Variants in OR56A3 observed in about 807,000 individuals in gnomAD.
The protein encoded by OR56A3 is olfactory receptor family 56 subfamily A member 3.
Under a neutral mutation model 17.5 loss-of-function variants are expected in OR56A3, and 23 were observed. That is an observed-to-expected ratio of 1.32 (90% CI 0.95 to 1.87). The LOEUF is 1.87. OR56A3 is among the 40% of genes most tolerant of loss of function. The pLI is 0.00. For synonymous variants in OR56A3, 175 were observed against 150.6 expected (o/e 1.16, Z -1.19); for missense variants, 366 against 380.1 (o/e 0.96, Z 0.31).
intron 2 of OR56A3, among the ~76,000 whole-genome samples, 159 bp downstream of exon 2, chr11:5,945,241 T>C (rs1847861678): frequency 6.6e-6 from 1 of 152,208 alleles, no homozygotes; most frequent in African/African-American, 2.4e-5. Context: ...TTGTTTTCTT[T>C]TTTATAGGAT....
the OR56A3 span, among the ~76,000 whole-genome samples, chr11:5,979,386 G>C: frequency 6.6e-6 from 1 of 151,666 alleles, no homozygotes; most frequent in Non-Finnish European, 1.5e-5. Context: ...TTATGACTGA[G>C]TCAAATTTGG....
At chr11:6,016,689 G>GA in the OR56A3 span, among the ~76,000 whole-genome samples, 2 of 151,302 alleles carry the variant, frequency 1.3e-5, no homozygotes, top group African/African-American at 4.9e-5. Context: ...TTAAATGCCT[G>GA]AAAAAGAATT....
chr11:5,955,875 GCCT>G (rs955878434), downstream of OR56A3, among the ~76,000 whole-genome samples: 41 of 152,266 alleles, frequency 2.7e-4, no homozygotes, highest in Middle Eastern at 6.8e-3. Flanking sequence ...TTGCCATATA[GCCT>G]CCTTTTTAAC....
the OR56A3 span, among the ~76,000 whole-genome samples, chr11:5,969,357 T>G: frequency 6.6e-6 from 1 of 152,234 alleles, no homozygotes; most frequent in African/African-American, 2.4e-5. Flanking sequence ...AAATCTCCTC[T>G]TCTCTCAGAT....
chr11:5,979,726 TTTGTTTTCTTCTGCTAGCTTTGGGG>T, the OR56A3 span, among the ~76,000 whole-genome samples: 1 of 152,162 alleles, frequency 6.6e-6, no homozygotes, highest in East Asian at 1.9e-4. Context: ...GTTTTGGTTA[TTTGTTTTCTTCTGCTAGCTTTGGGG>T]TTGTTTTCTT....
chr11:6,018,443 G>A, the OR56A3 span, among the ~76,000 whole-genome samples: 2 of 152,126 alleles, frequency 1.3e-5, no homozygotes, highest in Admixed American at 6.5e-5. Context: ...GCTCCTAAAT[G>A]ATCATTGAGT....
chr11:5,944,320 A>G (rs539450515), intron 1 of OR56A3, among the ~76,000 whole-genome samples: 1 of 152,342 alleles, frequency 6.6e-6, no homozygotes, highest in East Asian at 1.9e-4. Context: ...ACAATAAAAG[A>G]CACAATACAA....
At chr11:5,953,371 T>C (rs79850019), downstream of OR56A3, among the ~76,000 whole-genome samples, 2,776 of 152,330 alleles carry the variant, frequency 0.018, 78 homozygotes, top group African/African-American at 0.063. Context: ...TATCTCACTG[T>C]GGATTTGATT....
At chr11:5,952,862 T>C (rs1847915481), downstream of OR56A3, among the ~76,000 whole-genome samples, 1 of 152,150 alleles carries the variant, frequency 6.6e-6, no homozygotes. Flanking sequence ...GGTCCATGAG[T>C]ATCCAATGTT....
the OR56A3 span, chr11:6,006,354 G>T: frequency 6.6e-6 from 1 of 152,134 alleles, no homozygotes; most frequent in Non-Finnish European, 1.5e-5. Context: ...ACCATCTGGG[G>T]CATTGTTTTC....
the OR56A3 span, chr11:6,020,867 G>T: frequency 6.6e-6 from 1 of 152,064 alleles, no homozygotes; most frequent in African/African-American, 2.4e-5. Flanking sequence ...GTGAGAGAAG[G>T]CATCTTTGCC....
the OR56A3 span, chr11:6,002,410 T>C: frequency 0.27 from 437,307 of 1,613,944 alleles, 62,094 homozygotes; most frequent in Middle Eastern, 0.3. Flanking sequence ...TTGAAAGTGA[T>C]GTCATCACAA....
the OR56A3 span, among the ~76,000 whole-genome samples, chr11:5,983,645 C>G: frequency 1.3e-5 from 2 of 152,188 alleles, no homozygotes. Flanking sequence ...TCTTCTTCCT[C>G]TCCCCACAAG....
the OR56A3 span, among the ~76,000 whole-genome samples, chr11:5,961,032 GC>G: frequency 6.6e-6 from 1 of 151,200 alleles, no homozygotes; most frequent in Non-Finnish European, 1.5e-5. Flanking sequence ...CCCGGCAGCC[GC>G]CCCCCGTCTG....
At chr11:5,985,765 C>T in the OR56A3 span, 1 of 577,136 alleles carries the variant, frequency 1.7e-6, no homozygotes, top group Non-Finnish European at 2.9e-6. Flanking sequence ...TCCAGATATC[C>T]AGGTACATCC....
At chr11:6,020,056 T>C in the OR56A3 span, 1 of 152,046 alleles carries the variant, frequency 6.6e-6, no homozygotes, top group Non-Finnish European at 1.5e-5. Context: ...TGTATCAAGG[T>C]TTATTTTTTC....
At chr11:5,981,781 G>A in the OR56A3 span, among the ~76,000 whole-genome samples, 2 of 152,166 alleles carry the variant, frequency 1.3e-5, no homozygotes, top group South Asian at 2.1e-4. Context: ...TTCCTCATCT[G>A]TATTGGCTGG....
At chr11:5,996,750 A>G in the OR56A3 span, among the ~76,000 whole-genome samples, 1 of 152,256 alleles carries the variant, frequency 6.6e-6, no homozygotes, top group Non-Finnish European at 1.5e-5. Context: ...CCAAAGAAAT[A>G]AGTCTATTTC....
the OR56A3 span, chr11:5,993,864 C>G: frequency 2.0e-6 from 1 of 488,786 alleles, no homozygotes; most frequent in Non-Finnish European, 3.7e-6. Context: ...GGTACTCTGC[C>G]TCTGCTGGCT....
Sources: gnomAD v4.1 joint callset for allele counts (sites outside exome capture counted in the v4.1 genomes callset) on GRCh38, gnomAD v4.1.1 for gene constraint, MANE v1.5 for transcripts, NCBI Gene and HGNC (gene_info 2026-07-23, HGNC 2026-07-21) for gene names.